CLIP2: variants seen among roughly 807,000 people sequenced by gnomAD.
CLIP2 encodes the protein CAP-Gly domain containing linker protein 2, also known as CAP-Gly domain-containing linker protein 2.
CLIP2 carries 41 observed loss-of-function variants against 111.7 expected under a neutral mutation model. The observed-to-expected ratio is 0.37, with a 90% confidence interval of 0.29 to 0.48. The LOEUF (loss-of-function observed/expected upper bound fraction) is 0.48, where lower values mean the gene tolerates loss of function less well. Among genes scored for constraint, CLIP2 ranks in the 20% least tolerant of loss-of-function variants. The pLI is 0.99. For synonymous variants in CLIP2, 660 were observed against 644.2 expected, an observed-to-expected ratio of 1.02 and a Z score of -0.37; for missense variants, 1,160 against 1,422.1, an observed-to-expected ratio of 0.82 and a Z score of 2.96.
intron 2 of CLIP2, among the ~76,000 whole-genome samples, chr7:74,334,094 G>A (rs1330135049): frequency 1.3e-5 from 2 of 152,200 alleles, no homozygotes; most frequent in African/African-American, 4.8e-5. Context: ...GAGAAACTGA[G>A]GCACACATCT....
intron 1 of CLIP2, among the ~76,000 whole-genome samples, chr7:74,316,083 C>T (rs2116498557): frequency 6.9e-6 from 1 of 144,600 alleles, no homozygotes; most frequent in Non-Finnish European, 1.5e-5. Flanking sequence ...CTCCCTGTGT[C>T]CATGTGTTCT....
chr7:74,386,403 G>T, intron 11 of CLIP2, 118 bp from the exon 12 acceptor site: 1 of 728,152 alleles, frequency 1.4e-6, no homozygotes, highest in Non-Finnish European at 2.3e-6. Context: ...GGAAGAACTT[G>T]GACCCTGGAG....
At chr7:74,300,466 T>A (rs1788303264) in intron 1 of CLIP2, among the ~76,000 whole-genome samples, 1 of 151,684 alleles carries the variant, frequency 6.6e-6, no homozygotes, top group African/African-American at 2.4e-5. Flanking sequence ...TCTTTTTTTT[T>A]TTTTTTTGAG....
Position 74,364,331 on chromosome 7 carries a change from C to T in CLIP2, c.1380+16C>T. ...AGACCTGGAGGTAACAGTCAGAGGCCCCTTCCCTGGGCACACTTAGCACCG... is the reference window on the plus strand; with the variant it reads ...AGACCTGGAGGTAACAGTCAGAGGCTCCTTCCCTGGGCACACTTAGCACCG... On this transcript the variant is annotated intron_variant, in intron 8 of 16. Coordinates refer to ENST00000223398, the MANE Select transcript of CLIP2 (RefSeq NM_003388.5). The T allele has an allele frequency of 6.2e-7, 1 of 1,610,334 alleles. No homozygotes were observed. The highest frequency in any genetic ancestry group is 1.7e-5 in the Admixed American group (1 of 59,672).
intron 1 of CLIP2, among the ~76,000 whole-genome samples, chr7:74,316,702 C>T (rs1273283330): frequency 6.6e-6 from 1 of 152,086 alleles, no homozygotes; most frequent in Non-Finnish European, 1.5e-5. Context: ...GCTGGGACTA[C>T]AGGCATGTGC....
chr7:74,373,296 G>A (rs1397162130), intron 9 of CLIP2, among the ~76,000 whole-genome samples: 1 of 152,042 alleles, frequency 6.6e-6, no homozygotes, highest in Admixed American at 6.6e-5. Context: ...TCAGGAGTTC[G>A]AGACCAGCCT....
At chr7:74,312,943 C>T (rs1191077743) in intron 1 of CLIP2, among the ~76,000 whole-genome samples, 11 of 151,882 alleles carry the variant, frequency 7.2e-5, no homozygotes, top group African/African-American at 1.9e-4. Context: ...ATTCCTGACG[C>T]GAGCATTGTG....
chr7:74,380,729 G>A (rs1790918264), intron 10 of CLIP2, 77 bp from the exon 11 acceptor site: 6 of 1,246,120 alleles, frequency 4.8e-6, no homozygotes, highest in South Asian at 1.4e-5. Flanking sequence ...CAAACTGCAG[G>A]TGTGCTTGCT....
intron 1 of CLIP2, among the ~76,000 whole-genome samples, chr7:74,293,570 T>A (rs1329386387): frequency 6.6e-6 from 1 of 152,162 alleles, no homozygotes; most frequent in Non-Finnish European, 1.5e-5. Context: ...TCACGTGGTC[T>A]CTGGGGCTGG....
At position 74,338,349 on chromosome 7, in the gene CLIP2, A is replaced by T; in HGVS notation, c.122-99A>T. Reference sequence around the variant, plus strand: ...AAACCCCATCTCTACCCAAAAATACAAATCAGCCACCTCCCAACCCTAGAC... The same window carrying T: ...AAACCCCATCTCTACCCAAAAATACTAATCAGCCACCTCCCAACCCTAGAC... On this transcript the variant is annotated intron_variant, in intron 2 of 16. Coordinates refer to ENST00000223398, the MANE Select transcript of CLIP2 (RefSeq NM_003388.5). This position sits in a 1 kb window ranked among gnomAD's most constrained non-coding sequence, Gnocchi z 4.3. 1 of 1,310,178 alleles carries T rather than the reference A, an allele frequency of 7.6e-7. No homozygotes were observed. The highest frequency in any genetic ancestry group is 1.0e-6 in the Non-Finnish European group (1 of 968,744). The allele number at this position is 1,310,178 out of a possible 1,614,324, so 81.2% of individuals were successfully genotyped here.
At position 74,403,547 on chromosome 7, in the gene CLIP2, G is replaced by A. The variant is rs113127925; in HGVS notation, c.3130-290G>A. ...TCAGACCACTGCACTCCAGCCTGGCGACAGAGCAAGACTCCGTCTTAAAAC... is the reference window on the plus strand; with the variant it reads ...TCAGACCACTGCACTCCAGCCTGGCAACAGAGCAAGACTCCGTCTTAAAAC... On this transcript the variant is annotated intron_variant, in intron 16 of 16. Transcript: ENST00000223398. Among the ~76,000 whole-genome samples, 1,347 of 152,234 alleles carry A rather than the reference G, an allele frequency of 8.8e-3. 19 individuals are homozygous for A. Among genetic ancestry groups the A allele is most frequent in the African/African-American group, 0.029 (1,219 of 41,554 alleles).
intron 2 of CLIP2, among the ~76,000 whole-genome samples, chr7:74,337,946 TG>T (rs1789524022): frequency 6.6e-6 from 1 of 152,030 alleles, no homozygotes; most frequent in East Asian, 1.9e-4. Context: ...TCTGGAGGGC[TG>T]GAAGAGTAGG....
rs1554308505 is a variant in CLIP2 at position 74,356,522 on chromosome 7, A to T, written c.916A>T (p.Met306Leu). 6.2e-7 allele frequency: 1 copy of T among 1,614,220 alleles called. No individual in the cohort carries two copies. Residue 306 changes from methionine to leucine, a missense_variant, in exon 5 of 17, where the codon ATG (methionine) becomes TTG (leucine). Met to Leu is a conservative substitution (Grantham distance 15, BLOSUM62 2). Transcript: ENST00000223398. ...GGCCAAGAAGACCAAGCGTATGGCC[A>T]TGGGTGTGTCAGCACTGACCCACAG... ...AKAKKTKRMA[M>L]GVSALTHSPS...
intron 11 of CLIP2, among the ~76,000 whole-genome samples, chr7:74,384,096 GA>G: frequency 6.6e-6 from 1 of 152,150 alleles, no homozygotes; most frequent in Non-Finnish European, 1.5e-5. Flanking sequence ...AGATGAGGCA[GA>G]GAGAATCACT....
intron 1 of CLIP2, among the ~76,000 whole-genome samples, chr7:74,298,245 G>A (rs1788227511): frequency 6.6e-6 from 1 of 151,984 alleles, no homozygotes; most frequent in Non-Finnish European, 1.5e-5. Context: ...GAGTGCAGTA[G>A]CGTGATCTAA....
intron 11 of CLIP2, among the ~76,000 whole-genome samples, chr7:74,384,834 A>G (rs1409956088): frequency 2.0e-5 from 3 of 151,922 alleles, no homozygotes; most frequent in African/African-American, 4.8e-5. Flanking sequence ...GAATCGGCAC[A>G]TCTAGTTCCA....
intron 9 of CLIP2, among the ~76,000 whole-genome samples, chr7:74,375,446 G>A (rs545211539): frequency 8.6e-5 from 13 of 151,000 alleles, no homozygotes; most frequent in South Asian, 2.1e-4. Flanking sequence ...CCAGCTACTC[G>A]GGAGGCTGAG....
chr7:74,312,011 T>G (rs1436862885), intron 1 of CLIP2, among the ~76,000 whole-genome samples: 3 of 151,712 alleles, frequency 2.0e-5, no homozygotes, highest in Non-Finnish European at 4.4e-5. Context: ...TTTGGGAGGC[T>G]GAGGCAGGTG....
chr7:74,387,302 G>A (rs1294020022), intron 12 of CLIP2, among the ~76,000 whole-genome samples: 1 of 152,160 alleles, frequency 6.6e-6, no homozygotes, highest in Non-Finnish European at 1.5e-5. Context: ...AGGCTGGAGT[G>A]CAGTGGTGCA....
Sources: gnomAD v4.1 joint callset for allele counts (sites outside exome capture counted in the v4.1 genomes callset) on GRCh38, gnomAD v4.1.1 for gene constraint, Gnocchi (gnomAD v3.1) non-coding constraint, MANE v1.5 for transcripts, NCBI Gene and HGNC (gene_info 2026-07-23, HGNC 2026-07-21) for gene names.